MCCC1: variants seen among roughly 807,000 people sequenced by gnomAD.
The protein encoded by MCCC1 is methylcrotonyl-CoA carboxylase subunit 1, also known as methylcrotonoyl-CoA carboxylase subunit alpha, mitochondrial.
A neutral mutation model predicts 83.8 loss-of-function variants in MCCC1; 64 were observed. That is an observed-to-expected ratio of 0.76 (90% CI 0.62 to 0.94). The LOEUF is 0.94. Ranked by LOEUF, MCCC1 falls within the 40% of genes least tolerant of loss-of-function variation. The probability of loss-of-function intolerance (pLI) is 0.00; values close to 1 mark genes in which losing one functional copy is unlikely to be tolerated. For synonymous variants in MCCC1, 322 were observed against 315.4 expected (o/e 1.02, Z -0.22); for missense variants, 807 against 904.7 (o/e 0.89, Z 1.39).
At chr3:183,025,657 T>G in intron 15 of MCCC1, 98 bp downstream of exon 15, 1 of 1,126,218 alleles carries the variant, frequency 8.9e-7, no homozygotes, top group Non-Finnish European at 1.4e-6. Flanking sequence ...GTCATAATAG[T>G]CAAAGGCTTA....
chr3:183,060,860 A>G (rs1248691795), intron 7 of MCCC1, among the ~76,000 whole-genome samples: 1 of 152,114 alleles, frequency 6.6e-6, no homozygotes, highest in African/African-American at 2.4e-5. Flanking sequence ...TTTGCTGAGA[A>G]TGATGGTTTC....
At chr3:183,021,885 C>CAGCA (rs1290481335) in intron 16 of MCCC1, among the ~76,000 whole-genome samples, 1 of 152,208 alleles carries the variant, frequency 6.6e-6, no homozygotes, top group Non-Finnish European at 1.5e-5. Flanking sequence ...ACTCACTGGG[C>CAGCA]AGCAGGCTTC....
chr3:183,101,548 C>T (rs547489323), upstream of MCCC1, among the ~76,000 whole-genome samples: 11 of 152,254 alleles, frequency 7.2e-5, no homozygotes, highest in Admixed American at 2.6e-4. Flanking sequence ...CTGATGGGGA[C>T]GTGGAGAACC....
intron 15 of MCCC1, among the ~76,000 whole-genome samples, chr3:183,022,929 A>G (rs563336184): frequency 6.6e-6 from 1 of 152,330 alleles, no homozygotes; most frequent in East Asian, 1.9e-4. Context: ...ATATAAACTT[A>G]TTTCTGAGTA....
chr3:183,036,462 C>T (rs530078601), intron 13 of MCCC1, among the ~76,000 whole-genome samples: 8 of 149,830 alleles, frequency 5.3e-5, no homozygotes, highest in South Asian at 4.2e-4. Context: ...TGAGGAGTGG[C>T]GAACAAAAGA....
intron 8 of MCCC1, among the ~76,000 whole-genome samples, chr3:183,054,188 A>ATT (rs370883975): frequency 5.6e-4 from 69 of 122,226 alleles, no homozygotes; most frequent in African/African-American, 1.4e-3. Context: ...AGCCAAGAAA[A>ATT]TTTTTTTTTT....
At chr3:183,114,820 T>C (rs1719563497) in intron 1 of MCCC1, among the ~76,000 whole-genome samples, 1 of 152,180 alleles carries the variant, frequency 6.6e-6, no homozygotes. Flanking sequence ...TCTGTTGTTG[T>C]TGCTGTTGCT....
rs192190699 is a variant in MCCC1, at chr3:183,067,172, C to T, written c.761+3827G>A. Among the ~76,000 whole-genome samples, 333 of 152,262 alleles carry T rather than the reference C, an allele frequency of 2.2e-3. 1 individual carries two copies. Among genetic ancestry groups the T allele is most frequent in the Non-Finnish European group, 2.9e-3 (194 of 68,014 alleles). On this transcript the variant is annotated intron_variant, in intron 7 of 18. Coordinates refer to ENST00000265594, the MANE Select transcript of MCCC1 (RefSeq NM_020166.5). ...CCCCTGGGGAAAACTGGCCTCATTC[C>T]TTGTCTACACAGTCTCTATATAGGG...
intron 10 of MCCC1, 91 bp downstream of exon 10, chr3:183,045,322 C>T (rs1343491340): frequency 2.0e-5 from 29 of 1,485,346 alleles, no homozygotes; most frequent in African/African-American, 2.8e-5. Context: ...TCAGGTGATC[C>T]ACCTGCCTTG....
At chr3:183,055,413 A>T (rs1715342711) in intron 8 of MCCC1, among the ~76,000 whole-genome samples, 1 of 152,064 alleles carries the variant, frequency 6.6e-6, no homozygotes, top group African/African-American at 2.4e-5. Context: ...CCATCTCAAA[A>T]AAAAAGGATA....
chr3:183,060,889 T>C (rs888452720), intron 7 of MCCC1, among the ~76,000 whole-genome samples: 2 of 152,196 alleles, frequency 1.3e-5, no homozygotes, highest in African/African-American at 4.8e-5. Context: ...TCCATGTCCC[T>C]ACAAAGGACA....
upstream of MCCC1, among the ~76,000 whole-genome samples, chr3:183,102,020 G>T (rs559530297): frequency 6.6e-6 from 1 of 152,132 alleles, no homozygotes; most frequent in African/African-American, 2.4e-5. Flanking sequence ...CAGACGCGCC[G>T]CCTTAAGAGC....
Position 183,020,152 on chromosome 3 carries a change from G to A in MCCC1, c.1955C>T (p.Pro652Leu). 1 of 1,613,770 alleles carries A rather than the reference G, an allele frequency of 6.2e-7. No individual in the cohort carries two copies. The highest frequency in any genetic ancestry group is 8.5e-7 in the Non-Finnish European group (1 of 1,179,684). The change falls in exon 17 of 19, where the codon CCT becomes CTT. Residue 652 changes from proline to leucine, a missense_variant. Physicochemically the swap from Pro to Leu is moderately conservative, Grantham distance 98. Coordinates refer to ENST00000265594, the MANE Select transcript of MCCC1 (RefSeq NM_020166.5). Reference sequence around the variant, plus strand: ...TACCTTTTCAATGGTTCCAGTCATAGGAGCTAAGGGGCCGCCCTGAGTTTC... The same window carrying A: ...TACCTTTTCAATGGTTCCAGTCATAAGAGCTAAGGGGCCGCCCTGAGTTTC... ...SQETQGGPLAPMTGTIEKVFV... is the reference protein window; with the variant it reads ...SQETQGGPLALMTGTIEKVFV...
At chr3:183,108,906 G>A (rs565527060) in intron 1 of MCCC1, among the ~76,000 whole-genome samples, 1 of 152,324 alleles carries the variant, frequency 6.6e-6, no homozygotes, top group Non-Finnish European at 1.5e-5. Context: ...ATGTATTGAA[G>A]GACTTTGATA....
rs570719852 is a variant in MCCC1 at position 183,031,208 on chromosome 3, A to G, written c.1681+2783T>C. On this transcript the variant is annotated intron_variant, in intron 14 of 18. Transcript: ENST00000265594. ...TTGACCTTGGCTCACAGAGATTAGT[A>G]ATTTATAAAGTTCACACTAACAATA... Among the ~76,000 whole-genome samples the G allele has an allele frequency of 2.3e-4, 35 of 152,322 alleles. No homozygotes were observed. In the South Asian group the frequency reaches 5.4e-3, roughly 23 times the overall value.
intron 17 of MCCC1, among the ~76,000 whole-genome samples, chr3:183,019,757 G>A (rs764290077): frequency 5.3e-5 from 8 of 152,044 alleles, no homozygotes; most frequent in Admixed American, 2.0e-4. Flanking sequence ...ATGCAACTAC[G>A]TACACTAAAA....
rs1713707890 is a variant in MCCC1, at chr3:183,037,377, ACT to A, written c.1433_1434del (p.Glu478ValfsTer2). The stretch of plus-strand genomic sequence containing the variant: ...TCAGTGTGCACGTTCCCAGCTTCAA[ACT>A]CTGGGTGGCCAGACAGGTTGAGTAA... ...DFLLNLSGHP[E>X]FEAGNVHTDF... On this transcript the variant is annotated frameshift_variant, in exon 13 of 19. Transcript: ENST00000265594. LOFTEE classifies it high-confidence loss of function. 1 of 1,613,894 alleles carries A rather than the reference ACT, an allele frequency of 6.2e-7. No individual in the cohort carries two copies. Among genetic ancestry groups the A allele is most frequent in the African/African-American group, 1.3e-5 (1 of 74,862 alleles).
chr3:183,023,444 GA>G (rs1712320727), intron 15 of MCCC1, among the ~76,000 whole-genome samples: 1 of 152,162 alleles, frequency 6.6e-6, no homozygotes, highest in South Asian at 2.1e-4. Context: ...AGGTTAGATT[GA>G]AAACAGTTTT....
At chr3:183,020,540 A>G (rs1577236378) in intron 16 of MCCC1, among the ~76,000 whole-genome samples, 1 of 152,170 alleles carries the variant, frequency 6.6e-6, no homozygotes, top group Middle Eastern at 3.4e-3. Context: ...CTGAGGCAGG[A>G]GGCTCACTTG....
Sources: gnomAD v4.1 joint callset for allele counts (sites outside exome capture counted in the v4.1 genomes callset) on GRCh38, gnomAD v4.1.1 for gene constraint, MANE v1.5 for transcripts, NCBI Gene and HGNC (gene_info 2026-07-23, HGNC 2026-07-21) for gene names.